Variants in PCNX2 observed in about 807,000 individuals in gnomAD.
PCNX2 encodes the protein pecanex 2.
A neutral mutation model predicts 223.8 loss-of-function variants in PCNX2; 168 were observed. The observed-to-expected ratio is 0.75, with a 90% CI of 0.66 to 0.85. The LOEUF (loss-of-function observed/expected upper bound fraction) is 0.85, where lower values mean the gene tolerates loss of function less well. Ranked by LOEUF, PCNX2 falls within the 40% of genes least tolerant of loss-of-function variation. PCNX2 has a pLI of 0.00. For missense variants in PCNX2, 2,507 were observed against 2,675.5 expected (o/e 0.94, Z 1.39); for synonymous variants, 1,006 against 1,052.6 (o/e 0.96, Z 0.86).
chr1:233,282,310 T>C (rs972031888), intron 1 of PCNX2, among the ~76,000 whole-genome samples: 1 of 152,124 alleles, frequency 6.6e-6, no homozygotes, highest in Non-Finnish European at 1.5e-5. Flanking sequence ...TGTTACCCAG[T>C]CCCTTGGCGG....
At chr1:233,189,705 G>C (rs1680309969) in intron 15 of PCNX2, among the ~76,000 whole-genome samples, 1 of 152,134 alleles carries the variant, frequency 6.6e-6, no homozygotes, top group Non-Finnish European at 1.5e-5. Context: ...GCAAGCAGTT[G>C]TTAAGGATAC....
the PCNX2 span, among the ~76,000 whole-genome samples, chr1:233,304,743 T>C: frequency 7.2e-5 from 11 of 152,314 alleles, no homozygotes; most frequent in Middle Eastern, 3.4e-3. Context: ...TTATTGGTAT[T>C]GCAAAGCAAG....
intron 19 of PCNX2, among the ~76,000 whole-genome samples, chr1:233,145,803 C>A (rs957003831): frequency 2.4e-4 from 37 of 152,150 alleles, no homozygotes; most frequent in African/African-American, 8.7e-4. Flanking sequence ...ATAAGCCATG[C>A]ACCCCCTTGC....
rs1452629919 is a variant in PCNX2, at chr1:232,990,831, C to T, written c.5792-4291G>A. ...TGCCCCAAACTGGGGCCTGCACAGG[C>T]CTCTTCCCCAGGGTCGTCTCCCAGG... On this transcript the variant is annotated intron_variant, in intron 32 of 33. Coordinates refer to ENST00000258229, the MANE Select transcript of PCNX2 (RefSeq NM_014801.4). The surrounding 1 kb of genome is among the most constrained non-coding windows in gnomAD (Gnocchi z 4.3). 6.6e-6 allele frequency among the ~76,000 whole-genome samples: 1 copy of T among 152,206 alleles called. No individual in the cohort carries two copies. The highest frequency in any genetic ancestry group is 2.4e-5 in the African/African-American group (1 of 41,452).
chr1:233,217,831 T>G, intron 12 of PCNX2, 68 bp downstream of exon 12: 1 of 1,587,148 alleles, frequency 6.3e-7, no homozygotes, highest in Non-Finnish European at 8.6e-7. Flanking sequence ...TTGACTAGAT[T>G]TTGGCTTTTT....
chr1:233,232,193 T>A (rs929753363), intron 9 of PCNX2, among the ~76,000 whole-genome samples: 1 of 152,238 alleles, frequency 6.6e-6, no homozygotes, highest in Non-Finnish European at 1.5e-5. Flanking sequence ...TTACAGATAG[T>A]CTCTGACTTA....
At chr1:233,112,713 A>AGC in intron 21 of PCNX2, 1 of 560,248 alleles carries the variant, frequency 1.8e-6, no homozygotes, top group South Asian at 6.7e-5. Context: ...AGATCTTTGA[A>AGC]CAATATAACT....
intron 17 of PCNX2, among the ~76,000 whole-genome samples, chr1:233,170,156 C>T (rs147477339): frequency 1.8e-4 from 28 of 152,252 alleles, no homozygotes; most frequent in Middle Eastern, 3.4e-3. Flanking sequence ...AAGATTTGCT[C>T]CAGAATAAGT....
At chr1:232,994,304 T>G (rs1669803257) in intron 32 of PCNX2, among the ~76,000 whole-genome samples, 1 of 152,266 alleles carries the variant, frequency 6.6e-6, no homozygotes, top group Non-Finnish European at 1.5e-5. Context: ...GACATGGCAT[T>G]GAAGGAGATT....
rs1345832583 is a variant in PCNX2 at position 233,295,562 on chromosome 1, C to A, written c.-84G>T. The A allele has an allele frequency of 1.6e-6, 2 of 1,276,818 alleles. No homozygotes were observed. Among genetic ancestry groups the A allele is most frequent in the South Asian group, 3.0e-5 (1 of 33,808 alleles). 79.1% of individuals were successfully genotyped at this position (1,276,818 alleles called of 1,614,324 possible). ...TCTCCAGGCTCCCTCAGGTCTAACACCCGGGCCCGCGGGCCGCGCCCCCGC... is the reference window on the plus strand; with the variant it reads ...TCTCCAGGCTCCCTCAGGTCTAACAACCGGGCCCGCGGGCCGCGCCCCCGC... On this transcript the variant is annotated 5_prime_UTR_variant, in exon 1 of 34. Transcript: ENST00000258229. The surrounding 1 kb of genome is among the most constrained non-coding windows in gnomAD (Gnocchi z 4.1).
At chr1:233,037,419 C>T (rs1027974523) in intron 25 of PCNX2, among the ~76,000 whole-genome samples, 4 of 152,204 alleles carry the variant, frequency 2.6e-5, no homozygotes, top group African/African-American at 9.7e-5. Flanking sequence ...GTCACTCAAA[C>T]TCCTGGGTTA....
chr1:233,143,926 G>A (rs953796309), intron 19 of PCNX2, among the ~76,000 whole-genome samples: 4 of 151,518 alleles, frequency 2.6e-5, no homozygotes, highest in African/African-American at 7.3e-5. Flanking sequence ...TCTCTTTACC[G>A]AATCATTCTC....
chr1:233,276,262 A>T (rs540010802), intron 1 of PCNX2, among the ~76,000 whole-genome samples: 1 of 152,312 alleles, frequency 6.6e-6, no homozygotes, highest in African/African-American at 2.4e-5. Context: ...TGAGGTAACT[A>T]GAGTATTCAA....
intron 23 of PCNX2, among the ~76,000 whole-genome samples, chr1:233,077,249 T>C (rs1673134363): frequency 6.6e-6 from 1 of 152,244 alleles, no homozygotes. Context: ...ATAGTATTTT[T>C]CATTCTGACA....
Position 233,295,517 on chromosome 1 carries a change from C to T in PCNX2, c.-39G>A, listed in dbSNP as rs1238031623. 6.7e-7 allele frequency: 1 copy of T among 1,484,406 alleles called. No homozygotes were observed. The highest frequency in any genetic ancestry group is 2.3e-5 in the Admixed American group (1 of 42,816). 92.0% of individuals were successfully genotyped at this position (1,484,406 alleles called of 1,614,324 possible). ...CGGGGCTGGTGAGCGCCCCGCTGCA[C>T]CCTGCGCGCCCCGGCCGGATCTCCA... On this transcript the variant is annotated 5_prime_UTR_variant, in exon 1 of 34. In the 5' UTR this introduces an upstream ATG that the reference lacks. Transcript: ENST00000258229. The surrounding 1 kb of genome is among the most constrained non-coding windows in gnomAD (Gnocchi z 4.1).
At chr1:233,296,591 G>GA (rs1489623078), upstream of PCNX2, among the ~76,000 whole-genome samples, 5 of 152,204 alleles carry the variant, frequency 3.3e-5, no homozygotes, top group Admixed American at 3.3e-4. Flanking sequence ...AAAGGGAAGA[G>GA]ATAAAAAGGA....
At chr1:233,133,201 A>G (rs1024921979) in intron 21 of PCNX2, among the ~76,000 whole-genome samples, 17 of 152,256 alleles carry the variant, frequency 1.1e-4, no homozygotes, top group African/African-American at 4.1e-4. Context: ...GCCAGGCCAC[A>G]TTTTACATCT....
At chr1:233,056,398 A>G (rs1487483416) in intron 24 of PCNX2, among the ~76,000 whole-genome samples, 2 of 152,232 alleles carry the variant, frequency 1.3e-5, no homozygotes, top group Non-Finnish European at 2.9e-5. Context: ...TGAGACAGCA[A>G]CTATGATTAA....
chr1:233,111,071 G>A (rs1173539347), intron 21 of PCNX2, among the ~76,000 whole-genome samples: 3 of 152,162 alleles, frequency 2.0e-5, no homozygotes, highest in African/African-American at 7.2e-5. Context: ...CTGATCACTT[G>A]TCTCCTTCTA....
Sources: gnomAD v4.1 joint callset for allele counts (sites outside exome capture counted in the v4.1 genomes callset) on GRCh38, gnomAD v4.1.1 for gene constraint, Gnocchi (gnomAD v3.1) non-coding constraint, MANE v1.5 for transcripts, NCBI Gene and HGNC (gene_info 2026-07-23, HGNC 2026-07-21) for gene names.